The following SLC35F1 variants were observed in gnomAD, a reference collection of about 807,000 sequenced individuals.
SLC35F1 encodes the protein chromosome 6 open reading frame 169.
A neutral mutation model predicts 48.7 loss-of-function variants in SLC35F1; 14 were observed. The observed-to-expected ratio is 0.29, with a 90% CI of 0.19 to 0.45. SLC35F1 has a LOEUF of 0.45. SLC35F1 is among the 20% of genes least tolerant of loss of function. SLC35F1 has a pLI of 1.00. For missense variants in SLC35F1, 404 were observed against 500.0 expected (o/e 0.81, Z 1.83); for synonymous variants, 190 against 202.2 (o/e 0.94, Z 0.51).
At chr6:118,158,182 G>A (rs1774173709) in intron 2 of SLC35F1, among the ~76,000 whole-genome samples, 1 of 152,190 alleles carries the variant, frequency 6.6e-6, no homozygotes, top group Non-Finnish European at 1.5e-5. Flanking sequence ...TCATTTGGGT[G>A]TTTCCTCAGA....
intron 1 of SLC35F1, among the ~76,000 whole-genome samples, chr6:118,020,541 T>C (rs1353519498): frequency 1.2e-4 from 18 of 152,206 alleles, no homozygotes; most frequent in Admixed American, 1.2e-3. Flanking sequence ...TGATCACAAA[T>C]GAAACATTTA....
chr6:118,099,792 G>C (rs889710893), intron 1 of SLC35F1, among the ~76,000 whole-genome samples: 2 of 152,128 alleles, frequency 1.3e-5, no homozygotes, highest in Admixed American at 6.5e-5. Context: ...GCTGTGGTTC[G>C]CTGTAACACA....
intron 1 of SLC35F1, among the ~76,000 whole-genome samples, chr6:118,105,648 T>A (rs879852222): frequency 1.1e-4 from 16 of 152,232 alleles, no homozygotes; most frequent in Non-Finnish European, 2.2e-4. Context: ...ATGGGACTGT[T>A]GCCAGTACCC....
intron 3 of SLC35F1, among the ~76,000 whole-genome samples, chr6:118,239,741 G>A (rs567334448): frequency 2.6e-5 from 4 of 152,054 alleles, no homozygotes; most frequent in East Asian, 1.9e-4. Flanking sequence ...CTATGAAAAC[G>A]TTTATTTTAA....
At chr6:118,256,770 A>G (rs1357147226) in intron 3 of SLC35F1, among the ~76,000 whole-genome samples, 2 of 152,126 alleles carry the variant, frequency 1.3e-5, no homozygotes, top group African/African-American at 4.8e-5. Context: ...ATGGTGTTAC[A>G]TCCCTATAAA....
chr6:118,001,840 A>G (rs1455560526), intron 1 of SLC35F1, among the ~76,000 whole-genome samples: 1 of 152,068 alleles, frequency 6.6e-6, no homozygotes, highest in Non-Finnish European at 1.5e-5. Flanking sequence ...GCCAAAAAAC[A>G]TATGAAAAAA....
At chr6:117,922,650 G>A (rs961850958) in intron 1 of SLC35F1, among the ~76,000 whole-genome samples, 57 of 152,178 alleles carry the variant, frequency 3.7e-4, no homozygotes, top group African/African-American at 1.4e-3. Context: ...GAGAAGGATG[G>A]GAGCATTACT....
intron 1 of SLC35F1, among the ~76,000 whole-genome samples, chr6:117,933,908 C>T (rs1338976): frequency 0.99 from 150,077 of 151,936 alleles, 74,133 homozygotes; most frequent in East Asian, 1. Flanking sequence ...CTGCTTGTCC[C>T]GACCTATGTT....
chr6:118,227,596 T>C (rs1180610998), intron 2 of SLC35F1, among the ~76,000 whole-genome samples: 1 of 152,220 alleles, frequency 6.6e-6, no homozygotes, highest in Non-Finnish European at 1.5e-5. Context: ...TATTTGCTTT[T>C]AGATATTTTT....
chr6:118,294,071 G>A (rs928574330), intron 7 of SLC35F1, among the ~76,000 whole-genome samples: 2 of 150,756 alleles, frequency 1.3e-5, no homozygotes, highest in Non-Finnish European at 3.0e-5. Flanking sequence ...TATAAAAGGT[G>A]ACCAGCAGTG....
chr6:118,210,237 A>T (rs1774984975), intron 2 of SLC35F1, among the ~76,000 whole-genome samples: 1 of 152,124 alleles, frequency 6.6e-6, no homozygotes. Flanking sequence ...CCTAATTGTG[A>T]TTATCACTAT....
At chr6:118,269,048 C>T (rs892099719) in intron 4 of SLC35F1, among the ~76,000 whole-genome samples, 1 of 152,004 alleles carries the variant, frequency 6.6e-6, no homozygotes, top group African/African-American at 2.4e-5. Context: ...ATCTTGCATT[C>T]GATAGTCAAC....
chr6:118,027,185 T>A (rs1771971330), intron 1 of SLC35F1, among the ~76,000 whole-genome samples: 1 of 152,318 alleles, frequency 6.6e-6, no homozygotes, highest in South Asian at 2.1e-4. Flanking sequence ...GCTTATCTTT[T>A]CTCCAGGTGA....
intron 1 of SLC35F1, among the ~76,000 whole-genome samples, chr6:118,038,381 T>A (rs1319418187): frequency 6.6e-6 from 1 of 151,956 alleles, no homozygotes; most frequent in Non-Finnish European, 1.5e-5. Flanking sequence ...CTCCTGGCAA[T>A]AATGATAATA....
intron 1 of SLC35F1, among the ~76,000 whole-genome samples, chr6:118,047,645 C>T (rs372462370): frequency 4.6e-5 from 7 of 152,000 alleles, no homozygotes; most frequent in East Asian, 1.9e-4. Context: ...TTTGTAATAA[C>T]GGGAATTTAC....
At chr6:118,241,577 TCG>T (rs1491423413) in intron 3 of SLC35F1, among the ~76,000 whole-genome samples, 2 of 72,406 alleles carry the variant, frequency 2.8e-5, no homozygotes, top group South Asian at 5.0e-4. Context: ...ATTTTTACCT[TCG>T]TGTGTGTGTG....
chr6:118,141,692 T>A (rs561844560), intron 1 of SLC35F1, among the ~76,000 whole-genome samples: 48 of 152,238 alleles, frequency 3.2e-4, no homozygotes, highest in South Asian at 2.1e-4. Context: ...CAGCATCCAA[T>A]GGCTCCACTT....
intron 1 of SLC35F1, among the ~76,000 whole-genome samples, chr6:117,973,170 C>A (rs1283844876): frequency 6.6e-6 from 1 of 152,202 alleles, no homozygotes; most frequent in Non-Finnish European, 1.5e-5. Flanking sequence ...AGATGGCCAC[C>A]TTCTTGCTGT....
chr6:118,119,492 G>GGGCC (rs1773521536), intron 1 of SLC35F1, among the ~76,000 whole-genome samples: 1 of 20,668 alleles, frequency 4.8e-5, no homozygotes, highest in African/African-American at 7.8e-5. Flanking sequence ...GTAATAACCG[G>GGGCC]CGCCCCCCCT....
Sources: gnomAD v4.1 joint callset for allele counts (sites outside exome capture counted in the v4.1 genomes callset) on GRCh38, gnomAD v4.1.1 for gene constraint, MANE v1.5 for transcripts, NCBI Gene and HGNC (gene_info 2026-07-23, HGNC 2026-07-21) for gene names.